MTCL1: variants seen among roughly 807,000 people sequenced by gnomAD.
MTCL1 encodes microtubule cross-linking factor 1.
In MTCL1, 79 loss-of-function variants were observed where a neutral mutation model predicts 141.4. The observed-to-expected ratio is 0.56, with a 90% CI of 0.47 to 0.67. The LOEUF is 0.67. Among genes scored for constraint, MTCL1 ranks in the 30% least tolerant of loss-of-function variants. The pLI is 0.00. For missense variants in MTCL1, 2,177 were observed against 2,113.9 expected (o/e 1.03, Z -0.59); for synonymous variants, 914 against 875.8 (o/e 1.04, Z -0.77).
At chr18:8,790,753 G>A (rs1389036114) in intron 7 of MTCL1, among the ~76,000 whole-genome samples, 2 of 152,302 alleles carry the variant, frequency 1.3e-5, no homozygotes, top group African/African-American at 4.8e-5. Context: ...GGTGGCTCAC[G>A]CCTGTAATCT....
At chr18:8,814,911 G>A (rs1040281587) in intron 12 of MTCL1, among the ~76,000 whole-genome samples, 4 of 152,212 alleles carry the variant, frequency 2.6e-5, no homozygotes, top group Non-Finnish European at 4.4e-5. Context: ...TCTAGTAAAG[G>A]AAAAATTAGA....
chr18:8,731,260 A>G lies in MTCL1; in HGVS notation c.357+10764A>G, dbSNP rs148919881. ...ACTCCATCTCAAAAAAAGATAAAAA[A>G]GTAAAAAATAATAATAATGATAATT... On this transcript the variant is annotated intron_variant, in intron 4 of 16. Coordinates refer to ENST00000359865, the Ensembl canonical transcript of MTCL1. 7.9e-3 allele frequency among the ~76,000 whole-genome samples: 1,193 copies of G among 151,658 alleles called. 15 individuals carry two copies. Among genetic ancestry groups the G allele is most frequent in the African/African-American group, 0.027 (1,132 of 41,294 alleles).
intron 4 of MTCL1, among the ~76,000 whole-genome samples, chr18:8,763,158 T>A (rs1316173440): frequency 6.6e-6 from 1 of 152,156 alleles, no homozygotes; most frequent in African/African-American, 2.4e-5. Context: ...TGTGACAAGA[T>A]GTGCCGAGTT....
At chr18:8,780,162 T>G (rs1449296641) in intron 5 of MTCL1, among the ~76,000 whole-genome samples, 1 of 152,202 alleles carries the variant, frequency 6.6e-6, no homozygotes, top group African/African-American at 2.4e-5. Context: ...GGGTTGGTCG[T>G]ATTACCCTGA....
At chr18:8,825,552 A>C (rs2076995122) in exon 15 of MTCL1, 1 of 1,612,310 alleles carries the variant, frequency 6.2e-7, no homozygotes, top group Non-Finnish European at 8.5e-7. Context: ...CAAGTGTCTC[A>C]CTCCAAAGGC....
rs544871059 is a variant in MTCL1, at chr18:8,739,790, G to A, written c.357+19294G>A. Reference sequence around the variant, plus strand: ...CTCTGTCACCAGGCTGGAGTGCAGTGGCCTGATCTCGGCTCACTGCAACCT... The same window carrying A: ...CTCTGTCACCAGGCTGGAGTGCAGTAGCCTGATCTCGGCTCACTGCAACCT... On this transcript the variant is annotated intron_variant, in intron 4 of 16. Transcript: ENST00000359865. 3.1e-4 allele frequency among the ~76,000 whole-genome samples: 47 copies of A among 152,288 alleles called. No individual in the cohort carries two copies. In the South Asian group the frequency reaches 7.3e-3, roughly 24 times the overall value.
intron 6 of MTCL1, among the ~76,000 whole-genome samples, chr18:8,785,191 C>G (rs1598647048): frequency 6.6e-6 from 1 of 152,236 alleles, no homozygotes; most frequent in Admixed American, 6.5e-5. Flanking sequence ...CTCTTGGTAT[C>G]TCAACCAACC....
exon 17 of MTCL1, chr18:8,831,667 C>G (rs1205962919): frequency 3.2e-6 from 5 of 1,550,594 alleles, no homozygotes; most frequent in Non-Finnish European, 4.4e-6. Flanking sequence ...GCCCGAGAGA[C>G]CAGCAAACCG....
chr18:8,814,286 G>A (rs1386315498), intron 12 of MTCL1, among the ~76,000 whole-genome samples: 2 of 152,110 alleles, frequency 1.3e-5, no homozygotes, highest in African/African-American at 4.8e-5. Context: ...ATACACCGCA[G>A]GTGAGCTATG....
At position 8,830,821 on chromosome 18, in the gene MTCL1, G is replaced by A; in HGVS notation, c.*19-786G>A. 1.0e-6 allele frequency: 1 copy of A among 985,448 alleles called. No individual in the cohort carries two copies. Among genetic ancestry groups the A allele is most frequent in the Non-Finnish European group, 1.2e-6 (1 of 829,938 alleles). The allele number at this position is 985,448 out of a possible 1,614,324, so 61.0% of individuals were successfully genotyped here. A position where few individuals can be genotyped will look rare whatever the true frequency, so the allele number is the denominator to read the frequency against. ...CTGGTTTTGTAACATGTAAGGACAA[G>A]GAGCTCAACATTCTTTAAAAACAAA... On this transcript the variant is annotated intron_variant, in intron 16 of 16. Coordinates refer to ENST00000359865, the Ensembl canonical transcript of MTCL1. The surrounding 1 kb of genome is among the most constrained non-coding windows in gnomAD (Gnocchi z 6.4).
At chr18:8,755,481 C>T (rs1018682285) in intron 4 of MTCL1, among the ~76,000 whole-genome samples, 9 of 152,142 alleles carry the variant, frequency 5.9e-5, no homozygotes, top group African/African-American at 2.2e-4. Flanking sequence ...ACCAAGCCAG[C>T]TGTCATTTCT....
intron 4 of MTCL1, among the ~76,000 whole-genome samples, chr18:8,729,733 T>C (rs1879393791): frequency 2.2e-5 from 2 of 93,022 alleles, no homozygotes; most frequent in Admixed American, 2.4e-4. Context: ...TATATATATA[T>C]GGTTTGCAAA....
chr18:8,768,734 G>A (rs946713996), intron 4 of MTCL1, among the ~76,000 whole-genome samples: 2 of 151,016 alleles, frequency 1.3e-5, no homozygotes, highest in Non-Finnish European at 2.9e-5. Context: ...TGATGGACTG[G>A]TAGATTTCCT....
chr18:8,785,998 C>A, exon 7 of MTCL1: 1 of 1,606,958 alleles, frequency 6.2e-7, no homozygotes, highest in Non-Finnish European at 8.5e-7. Flanking sequence ...AGCGGGAGAG[C>A]CTGCGCCTCC....
chr18:8,785,250 C>G (rs1013947224), intron 6 of MTCL1, among the ~76,000 whole-genome samples: 2 of 152,178 alleles, frequency 1.3e-5, no homozygotes, highest in African/African-American at 4.8e-5. Flanking sequence ...ACGCATGTCA[C>G]AGTCAGGATA....
At chr18:8,803,778 G>A (rs1176617620) in intron 10 of MTCL1, among the ~76,000 whole-genome samples, 1 of 152,190 alleles carries the variant, frequency 6.6e-6, no homozygotes, top group Non-Finnish European at 1.5e-5. Flanking sequence ...ATGCAAATAT[G>A]CATAAATCAT....
At chr18:8,777,247 A>G (rs1024279433) in intron 4 of MTCL1, among the ~76,000 whole-genome samples, 1 of 152,140 alleles carries the variant, frequency 6.6e-6, no homozygotes, top group Non-Finnish European at 1.5e-5. Context: ...TCAAATAAAA[A>G]ACAACAACAA....
chr18:8,718,715 C>A, intron 3 of MTCL1, 67 bp downstream of exon 2: 1 of 1,463,236 alleles, frequency 6.8e-7, no homozygotes, highest in South Asian at 1.1e-5. Flanking sequence ...ATGCACGTTG[C>A]CCTGGTGTTT....
chr18:8,718,773 G>A (rs2096147735), intron 3 of MTCL1, 125 bp downstream of exon 2: 2 of 855,048 alleles, frequency 2.3e-6, no homozygotes, highest in Non-Finnish European at 3.8e-6. Flanking sequence ...AAACAGTCTT[G>A]GTTTGCTTTA....
Sources: allele counts gnomAD v4.1 joint callset (sites outside exome capture counted in the v4.1 genomes callset), GRCh38; gene constraint gnomAD v4.1.1; non-coding constraint Gnocchi (gnomAD v3.1); transcripts MANE v1.5; gene names NCBI Gene and HGNC (gene_info 2026-07-23, HGNC 2026-07-21).